The following COL6A5 variants were observed in gnomAD, a reference collection of about 807,000 sequenced individuals.
The protein encoded by COL6A5 is collagen alpha-5(VI) chain.
A neutral mutation model predicts 65.6 loss-of-function variants in COL6A5; 48 were observed. The ratio of observed to expected loss-of-function variants is 0.73; its 90% confidence interval spans 0.58 to 0.93. The LOEUF is 0.93. Ranked by LOEUF, COL6A5 falls within the 40% of genes least tolerant of loss-of-function variation. COL6A5 has a pLI of 0.00. For missense variants in COL6A5, 914 were observed against 928.3 expected (o/e 0.98, Z 0.20); for synonymous variants, 291 against 322.8 (o/e 0.90, Z 1.05).
intron 21 of COL6A5, 25 bp from the exon 22 acceptor site, chr3:130,414,044 G>C: frequency 6.8e-7 from 1 of 1,471,032 alleles, no homozygotes; most frequent in South Asian, 1.2e-5. Flanking sequence ...AGAAATGCTT[G>C]ACACTGGAAA....
At chr3:130,398,178 T>TG in intron 10 of COL6A5, 67 bp downstream of exon 10, 2 of 1,046,006 alleles carry the variant, frequency 1.9e-6, no homozygotes, top group Non-Finnish European at 2.8e-6. Context: ...TCACCCAGGT[T>TG]GGAGTGCAGT....
exon 1 of COL6A5, chr3:130,345,831 ACCAGGG>A (rs1268342794): frequency 2.1e-5 from 7 of 339,118 alleles, no homozygotes; most frequent in African/African-American, 1.8e-4. Flanking sequence ...TGCGGCGCGG[ACCAGGG>A]CTTCCGGCGC....
At chr3:130,430,936 C>G (rs1937775871), upstream of COL6A5, among the ~76,000 whole-genome samples, 1 of 152,122 alleles carries the variant, frequency 6.6e-6, no homozygotes, top group South Asian at 2.1e-4. Context: ...GTGGTAGGTA[C>G]TCAAATATTT....
intron 7 of COL6A5, among the ~76,000 whole-genome samples, chr3:130,394,193 ACTT>A (rs1450807742): frequency 1.3e-5 from 2 of 152,160 alleles, no homozygotes; most frequent in South Asian, 2.1e-4. Context: ...AGCCATTCAC[ACTT>A]CTTCTGAGAA....
At chr3:130,399,564 G>T (rs1936735962) in intron 10 of COL6A5, among the ~76,000 whole-genome samples, 1 of 151,440 alleles carries the variant, frequency 6.6e-6, no homozygotes, top group African/African-American at 2.4e-5. Context: ...GTAGAGATGG[G>T]GTTTCACCGT....
At chr3:130,424,724 A>G (rs375062245) in intron 29 of COL6A5, among the ~76,000 whole-genome samples, 2 of 152,290 alleles carry the variant, frequency 1.3e-5, no homozygotes, top group South Asian at 4.1e-4. Flanking sequence ...GCTAACTGTA[A>G]GGATACTCTG....
chr3:130,394,342 C>G (rs1262285041), intron 7 of COL6A5, among the ~76,000 whole-genome samples: 3 of 152,178 alleles, frequency 2.0e-5, no homozygotes, highest in Non-Finnish European at 4.4e-5. Context: ...AGGCGAGTCA[C>G]TTAGCCTCTG....
At chr3:130,346,286 T>G (rs1178880492) in intron 1 of COL6A5, among the ~76,000 whole-genome samples, 4 of 152,090 alleles carry the variant, frequency 2.6e-5, no homozygotes, top group Non-Finnish European at 5.9e-5. Context: ...AACCAGAATC[T>G]CTGGGAATGG....
At chr3:130,355,333 G>T (rs1165845842) in intron 1 of COL6A5, among the ~76,000 whole-genome samples, 1 of 151,976 alleles carries the variant, frequency 6.6e-6, no homozygotes. Flanking sequence ...ATAATTTCAT[G>T]ATAATAGATT....
chr3:130,399,434 G>C (rs188855719), intron 10 of COL6A5, among the ~76,000 whole-genome samples: 1 of 147,490 alleles, frequency 6.8e-6, no homozygotes, highest in African/African-American at 2.5e-5. Context: ...GCAGTGGCCC[G>C]ATCTTGGCTC....
chr3:130,384,009 A>G (rs549630650), intron 4 of COL6A5, among the ~76,000 whole-genome samples: 1 of 152,232 alleles, frequency 6.6e-6, no homozygotes, highest in South Asian at 2.1e-4. Flanking sequence ...TCAGAAAGTA[A>G]CATAAAGAAA....
At chr3:130,345,877 C>A (rs116372003) in exon 1 of COL6A5, 1 of 398,540 alleles carries the variant, frequency 2.5e-6, no homozygotes, top group Admixed American at 4.4e-5. Flanking sequence ...CGCGGGCGCC[C>A]GAGAGGCGCG....
intron 5 of COL6A5, among the ~76,000 whole-genome samples, chr3:130,461,658 G>A (rs1025528055): frequency 2.6e-5 from 4 of 151,824 alleles, no homozygotes; most frequent in African/African-American, 9.7e-5. Flanking sequence ...ATATCCAATG[G>A]CCAAATTTGA....
At chr3:130,388,583 G>A (rs936161700) in exon 6 of COL6A5, 6 of 1,534,556 alleles carry the variant, frequency 3.9e-6, no homozygotes, top group African/African-American at 2.8e-5. Flanking sequence ...CATGCAGGAT[G>A]TGAAGACATG....
At chr3:130,464,560 A>G (rs1016105323) in intron 5 of COL6A5, among the ~76,000 whole-genome samples, 4 of 152,106 alleles carry the variant, frequency 2.6e-5, no homozygotes, top group African/African-American at 9.7e-5. Context: ...AACTCCAAAA[A>G]GGATCACAAA....
At chr3:130,399,962 G>GT (rs1443041981) in intron 10 of COL6A5, among the ~76,000 whole-genome samples, 2 of 150,452 alleles carry the variant, frequency 1.3e-5, no homozygotes, top group African/African-American at 4.9e-5. Context: ...TTTCCATGTT[G>GT]TTGACCAGTT....
At chr3:130,375,422 C>A (rs1171603771) in intron 2 of COL6A5, among the ~76,000 whole-genome samples, 2 of 152,072 alleles carry the variant, frequency 1.3e-5, no homozygotes, top group African/African-American at 4.8e-5. Context: ...TAGACCTTAC[C>A]GGATGACATG....
upstream of COL6A5, chr3:130,431,359 G>A: frequency 8.1e-7 from 1 of 1,241,238 alleles, no homozygotes; most frequent in Non-Finnish European, 1.1e-6. Flanking sequence ...GCTGGATGAA[G>A]CACTTGCTTT....
At chr3:130,392,918 C>A (rs969667443) in intron 7 of COL6A5, among the ~76,000 whole-genome samples, 4 of 152,124 alleles carry the variant, frequency 2.6e-5, no homozygotes, top group African/African-American at 7.2e-5. Flanking sequence ...CAGGACCACC[C>A]CAGTTCTTCT....
Sources: allele counts gnomAD v4.1 joint callset (sites outside exome capture counted in the v4.1 genomes callset), GRCh38; gene constraint gnomAD v4.1.1; transcripts MANE v1.5; gene names NCBI Gene and HGNC (gene_info 2026-07-23, HGNC 2026-07-21).